KCNQ2: variants seen among roughly 807,000 people sequenced by gnomAD.
The protein encoded by KCNQ2 is potassium voltage-gated channel subfamily Q member 2, also known as potassium voltage-gated channel subfamily KQT member 2.
Under a neutral mutation model 84.8 loss-of-function variants are expected in KCNQ2, and 14 were observed. That is an observed-to-expected ratio of 0.17 (90% CI 0.11 to 0.26). The LOEUF is 0.26. Among genes scored for constraint, KCNQ2 ranks in the 10% least tolerant of loss-of-function variants. The pLI is 1.00. For missense variants in KCNQ2, 788 were observed against 1,254.0 expected (o/e 0.63, Z 5.61); for synonymous variants, 599 against 554.1 (o/e 1.08, Z -1.14).
intron 1 of KCNQ2, among the ~76,000 whole-genome samples, chr20:63,452,112 G>A (rs1029212592): frequency 3.3e-5 from 5 of 152,252 alleles, no homozygotes; most frequent in Non-Finnish European, 4.4e-5. Context: ...AGGCAGCGGC[G>A]GCAGAAACTG....
chr20:63,445,441 C>A (rs569197465), intron 2 of KCNQ2, 77 bp from the exon 3 acceptor site: 2 of 1,551,976 alleles, frequency 1.3e-6, no homozygotes, highest in Non-Finnish European at 1.8e-6. Context: ...CCCACAGGAG[C>A]AGTTCTGGCC....
At chr20:63,436,763 G>C (rs1222804459) in intron 7 of KCNQ2, among the ~76,000 whole-genome samples, 1 of 148,802 alleles carries the variant, frequency 6.7e-6, no homozygotes, top group Non-Finnish European at 1.5e-5. Context: ...CTATGGCATG[G>C]TATAAACATA....
chr20:63,441,181 C>A (rs899919711), intron 5 of KCNQ2, among the ~76,000 whole-genome samples: 2 of 127,338 alleles, frequency 1.6e-5, no homozygotes, highest in African/African-American at 3.0e-5. Context: ...GCAGATGGGG[C>A]CTGGCCTGCG....
At chr20:63,416,462 G>A (rs1171463589) in intron 12 of KCNQ2, among the ~76,000 whole-genome samples, 1 of 152,226 alleles carries the variant, frequency 6.6e-6, no homozygotes, top group African/African-American at 2.4e-5. Flanking sequence ...AGAACCCCCT[G>A]GCTCCCTTGA....
At chr20:63,442,917 TCACCAC>T (rs1568935180) in intron 4 of KCNQ2, among the ~76,000 whole-genome samples, 1 of 6,466 alleles carries the variant, frequency 1.5e-4, no homozygotes, top group African/African-American at 6.0e-4. Flanking sequence ...ACCATCACCA[TCACCAC>T]CATCACCATC....
At chr20:63,424,516 C>G in intron 10 of KCNQ2, 1 of 438,162 alleles carries the variant, frequency 2.3e-6, no homozygotes, top group South Asian at 4.9e-5. Flanking sequence ...ATCAGAACCA[C>G]ACCAATATTA....
chr20:63,411,775 C>G, intron 15 of KCNQ2: 1 of 612,752 alleles, frequency 1.6e-6, no homozygotes, highest in Middle Eastern at 2.7e-4. Flanking sequence ...GCATCCTAAC[C>G]TAGGTGAGTA....
rs1234775662 is a variant in KCNQ2, at chr20:63,407,425, G to A, written c.1888-50C>T. The A allele has an allele frequency of 6.3e-7, 1 of 1,589,942 alleles. No individual in the cohort carries two copies. Reference sequence around the variant, plus strand: ...GGTGCGAGGGCCCGTCCCAGGAGATGTGGGGACCCAGGCTGCTCCCAGGAA... The same window carrying A: ...GGTGCGAGGGCCCGTCCCAGGAGATATGGGGACCCAGGCTGCTCCCAGGAA... On this transcript the variant is annotated intron_variant, in intron 16 of 16. Transcript: ENST00000359125. This position sits in a 1 kb window ranked among gnomAD's most constrained non-coding sequence, Gnocchi z 7.2.
In KCNQ2 at chr20:63,414,868, G is replaced by C; in HGVS notation, c.1525+35C>G. On this transcript the variant is annotated intron_variant, in intron 13 of 16. Transcript: ENST00000359125. The surrounding 1 kb of genome is among the most constrained non-coding windows in gnomAD (Gnocchi z 6.6). ...CGTGGCCACCACATCCATCCCCGGA[G>C]AGGATGGACCAGGAGAGGATGCGGC... is the stretch of plus-strand genomic sequence containing the variant. 1 of 1,601,240 alleles carries C rather than the reference G, an allele frequency of 6.2e-7. No homozygotes were observed. The highest frequency in any genetic ancestry group is 8.5e-7 in the Non-Finnish European group (1 of 1,170,790).
At position 63,465,954 on chromosome 20, in the gene KCNQ2, C is replaced by T. The variant is rs374259090; in HGVS notation, c.296+6214G>A. Among the ~76,000 whole-genome samples, 11 of 152,284 alleles carry T rather than the reference C, an allele frequency of 7.2e-5. No homozygotes were observed. The East Asian group carries it at 9.7e-4, about 13-fold the overall frequency. Reference sequence around the variant, plus strand: ...CGGGTCCTCTGCTGCCGTCCCGAGGCGGCCCGGCGGGTTCTCTGGCGCGGT... The same window carrying T: ...CGGGTCCTCTGCTGCCGTCCCGAGGTGGCCCGGCGGGTTCTCTGGCGCGGT... On this transcript the variant is annotated intron_variant, in intron 1 of 16. Transcript: ENST00000359125.
intron 15 of KCNQ2, among the ~76,000 whole-genome samples, chr20:63,410,474 C>T (rs951863302): frequency 1.3e-5 from 2 of 152,210 alleles, no homozygotes; most frequent in African/African-American, 2.4e-5. Context: ...CAAGACCGTC[C>T]GAGCTCACAG....
chr20:63,442,736 T>TCACCATCA (rs1568934132), intron 4 of KCNQ2, among the ~76,000 whole-genome samples: 20 of 36,256 alleles, frequency 5.5e-4, no homozygotes, highest in South Asian at 2.5e-3. Flanking sequence ...CATCACCACC[T>TCACCATCA]CCACCATCAC....
intron 1 of KCNQ2, among the ~76,000 whole-genome samples, chr20:63,454,454 C>T (rs939917993): frequency 2.0e-5 from 3 of 152,220 alleles, no homozygotes; most frequent in Non-Finnish European, 2.9e-5. Flanking sequence ...GCACGGGGTG[C>T]GTCTGGGCCC....
At chr20:63,441,873 C>T (rs2081171797) in intron 5 of KCNQ2, among the ~76,000 whole-genome samples, 1 of 152,258 alleles carries the variant, frequency 6.6e-6, no homozygotes, top group African/African-American at 2.4e-5. Flanking sequence ...ATGTGCGGGG[C>T]TAGGCCCGGG....
chr20:63,423,103 G>A (rs78867132), intron 11 of KCNQ2, among the ~76,000 whole-genome samples: 5,474 of 152,300 alleles, frequency 0.036, 303 homozygotes, highest in African/African-American at 0.13. Flanking sequence ...GCCCTCGTCC[G>A]TTTTCTTAGC....
intron 1 of KCNQ2, among the ~76,000 whole-genome samples, chr20:63,453,178 C>T (rs2081664674): frequency 6.6e-6 from 1 of 152,184 alleles, no homozygotes; most frequent in Non-Finnish European, 1.5e-5. Context: ...CCCCAGGAGA[C>T]ACCAGTCCTC....
intron 9 of KCNQ2, among the ~76,000 whole-genome samples, chr20:63,429,352 G>T (rs1376073630): frequency 6.7e-6 from 1 of 149,996 alleles, no homozygotes; most frequent in African/African-American, 2.5e-5. Context: ...CCCATCCACG[G>T]CCTCCACCCC....
At chr20:63,462,913 T>C (rs925566472) in intron 1 of KCNQ2, among the ~76,000 whole-genome samples, 5 of 152,156 alleles carry the variant, frequency 3.3e-5, no homozygotes, top group African/African-American at 1.2e-4. Context: ...ACACACATGC[T>C]GTACCGTGGC....
At position 63,460,314 on chromosome 20, in the gene KCNQ2, C is replaced by A. The variant is rs927806324; in HGVS notation, c.296+11854G>T. ...GGAGAGGGGCTCCCCCCACCCTCAA[C>A]AAGGGGGCTCCTCCTGAGACATCCC... On this transcript the variant is annotated intron_variant, in intron 1 of 16. Transcript: ENST00000359125. The surrounding 1 kb of genome is among the most constrained non-coding windows in gnomAD (Gnocchi z 5.4). Among the ~76,000 whole-genome samples the A allele has an allele frequency of 6.6e-6, 1 of 152,138 alleles. No individual in the cohort carries two copies. The highest frequency in any genetic ancestry group is 1.5e-5 in the Non-Finnish European group (1 of 68,000).
Sources: allele counts gnomAD v4.1 joint callset (sites outside exome capture counted in the v4.1 genomes callset), GRCh38; gene constraint gnomAD v4.1.1; non-coding constraint Gnocchi (gnomAD v3.1); transcripts MANE v1.5; gene names NCBI Gene and HGNC (gene_info 2026-07-23, HGNC 2026-07-21).